NTM: variants seen among roughly 807,000 people sequenced by gnomAD.
The protein encoded by NTM is neurotrimin, also known as IgLON family member 2.
Under a neutral mutation model 42.1 loss-of-function variants are expected in NTM, and 13 were observed. The ratio of observed to expected loss-of-function variants is 0.31; its 90% CI spans 0.20 to 0.49. NTM has a LOEUF of 0.49. Among genes scored for constraint, NTM ranks in the 20% least tolerant of loss-of-function variants. The pLI, the probability that NTM is intolerant of heterozygous loss-of-function variation, is 0.99. For synonymous variants in NTM, 187 were observed against 179.2 expected (o/e 1.04, Z -0.35); for missense variants, 373 against 452.8 (o/e 0.82, Z 1.60).
At chr11:131,795,356 T>C in intron 1 of NTM, 1 of 981,644 alleles carries the variant, frequency 1.0e-6, no homozygotes, top group Non-Finnish European at 1.2e-6. Context: ...GAGATGTTAT[T>C]GTTATGAGCT....
intron 3 of NTM, among the ~76,000 whole-genome samples, chr11:132,207,019 T>G (rs1360546073): frequency 6.6e-6 from 1 of 152,230 alleles, no homozygotes; most frequent in Non-Finnish European, 1.5e-5. Context: ...TATGTCTGCA[T>G]GTCTTTCATA....
intron 1 of NTM, among the ~76,000 whole-genome samples, chr11:131,626,890 T>C (rs139254285): frequency 2.1e-3 from 326 of 152,336 alleles, no homozygotes; most frequent in African/African-American, 7.2e-3. Flanking sequence ...AATTGCTTCC[T>C]CCACCTGCTC....
At chr11:131,438,419 AG>A (rs1949325391) in intron 1 of NTM, among the ~76,000 whole-genome samples, 2 of 152,338 alleles carry the variant, frequency 1.3e-5, no homozygotes, top group South Asian at 4.1e-4. Flanking sequence ...CAGGTACACC[AG>A]TCAGACGTAG....
intron 2 of NTM, among the ~76,000 whole-genome samples, chr11:131,921,253 G>A (rs74947935): frequency 0.015 from 2,217 of 152,314 alleles, 50 homozygotes; most frequent in African/African-American, 0.048. Context: ...TACTAGAGTA[G>A]AGTGTGCCTC....
intron 2 of NTM, among the ~76,000 whole-genome samples, chr11:132,044,658 G>A (rs1228313887): frequency 3.9e-5 from 6 of 152,118 alleles, no homozygotes; most frequent in Non-Finnish European, 7.4e-5. Flanking sequence ...ACCTTCGCCA[G>A]TGCATGTCCT....
intron 1 of NTM, among the ~76,000 whole-genome samples, chr11:131,462,491 A>G (rs368272683): frequency 1.4e-4 from 21 of 152,242 alleles, no homozygotes; most frequent in South Asian, 6.2e-4. Flanking sequence ...CAGCCTTATA[A>G]GAAGGAAGGA....
At chr11:131,924,985 G>C (rs571063777) in intron 2 of NTM, among the ~76,000 whole-genome samples, 39 of 152,268 alleles carry the variant, frequency 2.6e-4, no homozygotes, top group African/African-American at 8.4e-4. Context: ...GAGAACCATG[G>C]CCTTTTCAAA....
intron 7 of NTM, among the ~76,000 whole-genome samples, chr11:132,320,530 C>T (rs538969976): frequency 6.6e-6 from 1 of 152,228 alleles, no homozygotes; most frequent in Non-Finnish European, 1.5e-5. Flanking sequence ...GGTCCTACCC[C>T]ACGGAGTCTC....
intron 2 of NTM, among the ~76,000 whole-genome samples, chr11:132,131,382 C>T (rs942329274): frequency 2.0e-5 from 3 of 152,034 alleles, no homozygotes; most frequent in African/African-American, 7.3e-5. Context: ...GAACTAGGTA[C>T]CATGGAAGGC....
At chr11:131,582,604 A>G (rs2137195388) in intron 1 of NTM, among the ~76,000 whole-genome samples, 1 of 152,084 alleles carries the variant, frequency 6.6e-6, no homozygotes, top group African/African-American at 2.4e-5. Flanking sequence ...TTAAAAAAAA[A>G]AAATATTATT....
intron 1 of NTM, among the ~76,000 whole-genome samples, chr11:131,454,229 C>T (rs1950698715): frequency 6.6e-6 from 1 of 152,076 alleles, no homozygotes; most frequent in South Asian, 2.1e-4. Flanking sequence ...TTGTTAATCT[C>T]TTACTATGCC....
intron 4 of NTM, among the ~76,000 whole-genome samples, chr11:132,212,681 T>A (rs1434579377): frequency 3.3e-5 from 5 of 152,206 alleles, no homozygotes; most frequent in Admixed American, 3.3e-4. Flanking sequence ...TTGCAAAAAT[T>A]TACTTTATCT....
chr11:131,640,000 T>TA (rs142666446), intron 1 of NTM, among the ~76,000 whole-genome samples: 23 of 150,270 alleles, frequency 1.5e-4, no homozygotes, highest in African/African-American at 3.2e-4. Context: ...AATAAATAAA[T>TA]AAAAAAAAAG....
intron 2 of NTM, among the ~76,000 whole-genome samples, chr11:132,070,783 G>A (rs2057478787): frequency 7.1e-6 from 1 of 140,512 alleles, no homozygotes; most frequent in Admixed American, 7.1e-5. Flanking sequence ...ACTCACCCAG[G>A]TTAACACGTC....
intron 1 of NTM, among the ~76,000 whole-genome samples, chr11:131,790,165 A>T (rs531787262): frequency 6.6e-6 from 1 of 152,224 alleles, no homozygotes; most frequent in Non-Finnish European, 1.5e-5. Context: ...GCAAATAAAA[A>T]TTATTTCATA....
At chr11:131,618,406 T>C (rs545577031) in intron 1 of NTM, among the ~76,000 whole-genome samples, 2 of 152,354 alleles carry the variant, frequency 1.3e-5, no homozygotes, top group Admixed American at 1.3e-4. Context: ...CAATCCAAGA[T>C]GGATACAGAT....
chr11:131,436,884 A>T (rs10894390), intron 1 of NTM, among the ~76,000 whole-genome samples: 1 of 151,974 alleles, frequency 6.6e-6, no homozygotes, highest in Non-Finnish European at 1.5e-5. Flanking sequence ...TTAGGGTGTC[A>T]ATTTTAGATC....
At chr11:132,202,030 T>C (rs2081240552) in intron 3 of NTM, among the ~76,000 whole-genome samples, 1 of 152,240 alleles carries the variant, frequency 6.6e-6, no homozygotes, top group African/African-American at 2.4e-5. Context: ...ACTTCTGTTC[T>C]CTTCCTCACG....
chr11:131,633,736 T>TCC (rs1565355194), intron 1 of NTM, among the ~76,000 whole-genome samples: 90 of 62,422 alleles, frequency 1.4e-3, no homozygotes, highest in African/African-American at 5.1e-3. Context: ...TCTCTCTCTC[T>TCC]CCCTCCCTCT....
Sources: allele counts gnomAD v4.1 joint callset (sites outside exome capture counted in the v4.1 genomes callset), GRCh38; gene constraint gnomAD v4.1.1; transcripts MANE v1.5; gene names NCBI Gene and HGNC (gene_info 2026-07-23, HGNC 2026-07-21).